SENP3: variants seen among roughly 807,000 people sequenced by gnomAD.
The protein encoded by SENP3 is sentrin-specific protease 3.
Under a neutral mutation model 66.2 loss-of-function variants are expected in SENP3, and 11 were observed. The observed-to-expected ratio is 0.17, with a 90% confidence interval of 0.10 to 0.28. The LOEUF is 0.28. SENP3 is among the 10% of genes least tolerant of loss of function. The pLI, the probability that SENP3 is intolerant of heterozygous loss-of-function variation, is 1.00. For synonymous variants in SENP3, 292 were observed against 277.6 expected (o/e 1.05, Z -0.52); for missense variants, 548 against 743.7 (o/e 0.74, Z 3.06).
At chr17:7,565,809 T>C (rs1025798241) in intron 6 of SENP3, 45 bp downstream of exon 6, 15 of 1,572,560 alleles carry the variant, frequency 9.5e-6, no homozygotes, top group Non-Finnish European at 1.3e-5. Flanking sequence ...ACTTCTGCAG[T>C]TTTAAGCAGC....
At position 7,571,355 on chromosome 17, in the gene SENP3, T is replaced by G; in HGVS notation, c.1615-18T>G. On this transcript the variant is annotated intron_variant, in intron 10 of 10. Coordinates refer to ENST00000321337, the MANE Select transcript of SENP3 (RefSeq NM_015670.6). ...CTGACACGGGGGGTTTCTCATGGCT[T>G]GCTTTGTTAACACCCAGTACTGCAA... 6.3e-7 allele frequency: 1 copy of G among 1,593,226 alleles called. No homozygotes were observed. The highest frequency in any genetic ancestry group is 8.6e-7 in the Non-Finnish European group (1 of 1,161,284).
Position 7,571,354 on chromosome 17 carries a change from T to G in SENP3, c.1615-19T>G. ...CCTGACACGGGGGGTTTCTCATGGC[T>G]TGCTTTGTTAACACCCAGTACTGCA... is the stretch of plus-strand genomic sequence containing the variant. On this transcript the variant is annotated intron_variant, in intron 10 of 10. Transcript: ENST00000321337. 5.0e-6 allele frequency: 8 copies of G among 1,591,910 alleles called. No individual in the cohort carries two copies. Among genetic ancestry groups the G allele is most frequent in the Non-Finnish European group, 6.9e-6 (8 of 1,160,028 alleles).
chr17:7,571,568 T>G lies in SENP3; in HGVS notation c.*85T>G. The G allele has an allele frequency of 1.2e-6, 1 of 848,298 alleles. No individual in the cohort carries two copies. Among genetic ancestry groups the G allele is most frequent in the Non-Finnish European group, 1.9e-6 (1 of 513,812 alleles). 52.5% of individuals were successfully genotyped at this position (848,298 alleles called of 1,614,324 possible). On this transcript the variant is annotated 3_prime_UTR_variant, in exon 11 of 11. Transcript: ENST00000321337. ...AAGAAACTCCAGTTCCTTTCCTCTC[T>G]TGCCTCTTCCCACTCACTTCCCTTT...
chr17:7,569,947 A>G (rs969880916), intron 7 of SENP3, among the ~76,000 whole-genome samples: 5 of 152,308 alleles, frequency 3.3e-5, no homozygotes, highest in African/African-American at 9.6e-5. Flanking sequence ...AGGTACTACT[A>G]TTTACACTCT....
intron 6 of SENP3, among the ~76,000 whole-genome samples, chr17:7,566,615 G>A (rs891423627): frequency 3.1e-4 from 46 of 149,118 alleles, no homozygotes; most frequent in Non-Finnish European, 5.0e-4. Flanking sequence ...GCAGCGAGTC[G>A]AAATCATGCC....
In SENP3 at chr17:7,563,542, G is replaced by C. The variant is rs1170531619; in HGVS notation, c.466G>C (p.Gly156Arg). ...CTGGAAGCTTTGGGGGCGCCACCGGGGCCGGCGGCGGGGCCTCGCACACCC... is the reference window on the plus strand; with the variant it reads ...CTGGAAGCTTTGGGGGCGCCACCGGCGCCGGCGGCGGGGCCTCGCACACCC... ...FHWKLWGRHRGRRRGLAHPKN... is the reference protein window; with the variant it reads ...FHWKLWGRHRRRRRGLAHPKN... Residue 156 changes from glycine to arginine, a missense_variant, in exon 2 of 11, where the codon GGC (glycine) becomes CGC (arginine). Physicochemically the swap from Gly to Arg is moderately radical, Grantham distance 125. Around this residue, in one of 6 missense-constraint regions of SENP3, gnomAD observed 215 missense variants for 230.7 expected, o/e 0.93. Transcript: ENST00000321337. 7 of 1,550,050 alleles carry C rather than the reference G, an allele frequency of 4.5e-6. No homozygotes were observed. Among genetic ancestry groups the C allele is most frequent in the Non-Finnish European group, 6.1e-6 (7 of 1,147,010 alleles).
Position 7,571,653 on chromosome 17 carries a change from T to C in SENP3, c.*170T>C, listed in dbSNP as rs2035524063. 1 of 539,894 alleles carries C rather than the reference T, an allele frequency of 1.9e-6. No individual in the cohort carries two copies. Among genetic ancestry groups the C allele is most frequent in the Non-Finnish European group, 3.3e-6 (1 of 302,202 alleles). 33.4% of individuals were successfully genotyped at this position (539,894 alleles called of 1,614,324 possible). ...TTTTTTTTCTTTGAGAGAATACTTG[T>C]TGATTTCTGATGTGCAGGGGGTGGC... On this transcript the variant is annotated 3_prime_UTR_variant, in exon 11 of 11. Coordinates refer to ENST00000321337, the MANE Select transcript of SENP3 (RefSeq NM_015670.6).
chr17:7,569,384 CAA>C (rs1283964746), intron 7 of SENP3, among the ~76,000 whole-genome samples: 2 of 106,690 alleles, frequency 1.9e-5, no homozygotes, highest in Admixed American at 1.0e-4. Context: ...GACTCCGTCT[CAA>C]AAAAAAAAAA....
In SENP3 at chr17:7,563,352, A is replaced by T; in HGVS notation, c.276A>T (p.Glu92Asp). ...EEEEDEDEEE[E>D]VAAWRLPPRW... ...AGGAGGATGAAGATGAAGAGGAGGAAGTGGCAGCTTGGAGGCTGCCCCCAA... is the reference window on the plus strand; with the variant it reads ...AGGAGGATGAAGATGAAGAGGAGGATGTGGCAGCTTGGAGGCTGCCCCCAA... Residue 92 changes from glutamate to aspartate, a missense_variant, in exon 2 of 11, where the codon GAA becomes GAT. By Grantham distance (45) the Glu-to-Asp change is conservative. Around this residue, in one of 6 missense-constraint regions of SENP3, gnomAD observed 164 missense variants for 167.9 expected, o/e 0.98. Coordinates refer to ENST00000321337, the MANE Select transcript of SENP3 (RefSeq NM_015670.6). 1.3e-6 allele frequency: 2 copies of T among 1,552,042 alleles called. No individual in the cohort carries two copies. The highest frequency in any genetic ancestry group is 1.2e-5 in the South Asian group (1 of 84,090).
chr17:7,563,885 G>C, intron 2 of SENP3, 94 bp downstream of exon 2: 1 of 1,125,726 alleles, frequency 8.9e-7, no homozygotes, highest in Non-Finnish European at 1.2e-6. Context: ...GTGAGAGCTG[G>C]GCTTAAGGAA....
At chr17:7,568,308 C>T (rs1023740699) in intron 7 of SENP3, among the ~76,000 whole-genome samples, 4 of 152,114 alleles carry the variant, frequency 2.6e-5, no homozygotes, top group African/African-American at 4.8e-5. Context: ...CTCTAAAAAC[C>T]GGAAAGGGGC....
At chr17:7,566,323 C>A (rs1315586439) in intron 6 of SENP3, among the ~76,000 whole-genome samples, 4 of 140,898 alleles carry the variant, frequency 2.8e-5, no homozygotes, top group Non-Finnish European at 6.1e-5. Flanking sequence ...GCCTGGGCAA[C>A]AAGAGCGGAA....
intron 3 of SENP3, 31 bp downstream of exon 3, chr17:7,564,895 CCCTT>C: frequency 6.2e-7 from 1 of 1,603,096 alleles, no homozygotes; most frequent in Non-Finnish European, 8.5e-7. Context: ...TAGCCTCTCT[CCCTT>C]CTCCGACTCC....
rs1355392093 is a variant in SENP3 at position 7,562,139 on chromosome 17, G to A, written c.-136G>A. On this transcript the variant is annotated 5_prime_UTR_variant, in exon 1 of 11. Coordinates refer to ENST00000321337, the MANE Select transcript of SENP3 (RefSeq NM_015670.6). This position sits in a 1 kb window ranked among gnomAD's most constrained non-coding sequence, Gnocchi z 5.0. ...CCCAGAAGCGTTGGAATCCTGAATT[G>A]AGACGGCTGCGCCTAAAGACAGCAG... 1 of 398,548 alleles carries A rather than the reference G, an allele frequency of 2.5e-6. No individual in the cohort carries two copies. The allele number at this position is 398,548 out of a possible 1,614,324, so 24.7% of individuals were successfully genotyped here.
Position 7,562,621 on chromosome 17 carries a change from T to G in SENP3, c.-12+358T>G, listed in dbSNP as rs2071227961. On this transcript the variant is annotated intron_variant, in intron 1 of 10. Coordinates refer to ENST00000321337, the MANE Select transcript of SENP3 (RefSeq NM_015670.6). The surrounding 1 kb of genome is among the most constrained non-coding windows in gnomAD (Gnocchi z 5.0). ...GCAGCCTTCCCATGCCCCCCGTTCA[T>G]CCAGGGTGTTAGAGAACTGTCTCCC... is the stretch of plus-strand genomic sequence containing the variant. Among the ~76,000 whole-genome samples, 1 of 152,194 alleles carries G rather than the reference T, an allele frequency of 6.6e-6. No individual in the cohort carries two copies. The highest frequency in any genetic ancestry group is 1.5e-5 in the Non-Finnish European group (1 of 68,034).
intron 7 of SENP3, among the ~76,000 whole-genome samples, chr17:7,568,465 G>T (rs11870250): frequency 0.031 from 4,670 of 152,168 alleles, 226 homozygotes; most frequent in African/African-American, 0.11. Context: ...GCGTGGTGGC[G>T]TGCGCCTGTA....
chr17:7,564,238 A>C, intron 2 of SENP3: 1 of 400,432 alleles, frequency 2.5e-6, no homozygotes, highest in South Asian at 2.1e-5. Context: ...CTTTCGGAGA[A>C]CTCCAGCCAA....
chr17:7,563,168 G>C lies in SENP3; in HGVS notation c.92G>C (p.Arg31Pro). ...GCTTACTCAAGTCCCAGGCGGGAGC[G>C]TCTTCGTTGGCCCCCACCTCCCAAA... is the stretch of plus-strand genomic sequence containing the variant. The part of the protein sequence containing the change: ...PPAYSSPRRE[R>P]LRWPPPPKPR... Residue 31 changes from arginine to proline, a missense_variant, in exon 2 of 11, where the codon CGT becomes CCT. Around this residue, in one of 6 missense-constraint regions of SENP3, gnomAD observed 164 missense variants for 167.9 expected, o/e 0.98. Coordinates refer to ENST00000321337, the MANE Select transcript of SENP3 (RefSeq NM_015670.6). 6.4e-7 allele frequency: 1 copy of C among 1,558,868 alleles called. No individual in the cohort carries two copies. The highest frequency in any genetic ancestry group is 8.7e-7 in the Non-Finnish European group (1 of 1,152,738).
In SENP3 at chr17:7,564,664, A is replaced by G. The variant is rs374521694; in HGVS notation, c.755A>G (p.Gln252Arg). 5 of 1,614,046 alleles carry G rather than the reference A, an allele frequency of 3.1e-6. No individual in the cohort carries two copies. The highest frequency in any genetic ancestry group is 3.4e-6 in the Non-Finnish European group (4 of 1,179,902). ...ACTCTGCCCAACGGTTTTGGGGGAC[A>G]ATCTGGGCCAGAAGGGGAGCGCAGC... is the stretch of plus-strand genomic sequence containing the variant. The part of the protein sequence containing the change: ...SCTLPNGFGG[Q>R]SGPEGERSLA... The change falls in exon 3 of 11, where the codon CAA (glutamine) becomes CGA (arginine). Residue 252 changes from glutamine to arginine, a missense_variant. Physicochemically the swap from Gln to Arg is conservative, Grantham distance 43. Around this residue, in one of 6 missense-constraint regions of SENP3, gnomAD observed 215 missense variants for 230.7 expected, o/e 0.93. Coordinates refer to ENST00000321337, the MANE Select transcript of SENP3 (RefSeq NM_015670.6).
Sources: gnomAD v4.1 joint callset for allele counts (sites outside exome capture counted in the v4.1 genomes callset) on GRCh38, gnomAD v4.1.1 for gene constraint, gnomAD v4.1.1 regional missense constraint, Gnocchi (gnomAD v3.1) non-coding constraint, MANE v1.5 for transcripts, NCBI Gene and HGNC (gene_info 2026-07-23, HGNC 2026-07-21) for gene names.